Variants in TFB1M observed in about 807,000 individuals in gnomAD.
TFB1M encodes dimethyladenosine transferase 1, mitochondrial.
TFB1M carries 27 observed loss-of-function variants against 31.1 expected under a neutral mutation model. The observed-to-expected ratio is 0.87, with a 90% confidence interval of 0.64 to 1.20. TFB1M has a LOEUF of 1.20. Ranked by LOEUF, TFB1M falls within the 50% of genes most tolerant of loss-of-function variation. The pLI is 0.00. For synonymous variants in TFB1M, 166 were observed against 151.8 expected (o/e 1.09, Z -0.69); for missense variants, 394 against 418.7 (o/e 0.94, Z 0.51).
rs755374471 is a variant in TFB1M at position 155,256,605 on chromosome 6, C to T, written c.*1231G>A. On this transcript the variant is annotated 3_prime_UTR_variant, in exon 7 of 7. Coordinates refer to ENST00000367166, the MANE Select transcript of TFB1M (RefSeq NM_016020.4). The stretch of plus-strand genomic sequence containing the variant: ...GCTTGAGCAGCGGCACCCAGAGCAG[C>T]GGCTGCCCCACGGCTGAGGGCAGGC... The T allele has an allele frequency of 8.7e-6, 14 of 1,614,172 alleles. No individual in the cohort carries two copies. Among genetic ancestry groups the T allele is most frequent in the African/African-American group, 2.7e-5 (2 of 75,028 alleles).
At chr6:155,276,559 A>G in intron 5 of TFB1M, 1 of 547,168 alleles carries the variant, frequency 1.8e-6, no homozygotes, top group Admixed American at 3.6e-5. Flanking sequence ...CATCTGTCTG[A>G]AGAGTTCTTT....
At chr6:155,249,736 T>A in the TFB1M span, 1 of 752,114 alleles carries the variant, frequency 1.3e-6, no homozygotes, top group Non-Finnish European at 2.1e-6. Flanking sequence ...ATGCTCCTGC[T>A]AGTGGGTACT....
At chr6:155,313,598 T>A (rs1778112348) in intron 1 of TFB1M, among the ~76,000 whole-genome samples, 1 of 152,200 alleles carries the variant, frequency 6.6e-6, no homozygotes, top group Non-Finnish European at 1.5e-5. Flanking sequence ...TCAAAACTCA[T>A]CAAATTGAGC....
At chr6:155,243,316 G>C in the TFB1M span, among the ~76,000 whole-genome samples, 1 of 152,164 alleles carries the variant, frequency 6.6e-6, no homozygotes, top group South Asian at 2.1e-4. Context: ...CCCTGAGGCA[G>C]AAGAGGCCAG....
At chr6:155,269,074 G>T (rs1191643814) in intron 5 of TFB1M, among the ~76,000 whole-genome samples, 1 of 150,536 alleles carries the variant, frequency 6.6e-6, no homozygotes, top group Non-Finnish European at 1.5e-5. Context: ...GCAGGACTGA[G>T]AAGTAAATGC....
intron 2 of TFB1M, chr6:155,310,881 C>A: frequency 3.2e-6 from 1 of 316,930 alleles, no homozygotes; most frequent in Non-Finnish European, 5.9e-6. Flanking sequence ...GAATGGGCCA[C>A]GACATGCATA....
chr6:155,287,900 T>C (rs138963435), intron 4 of TFB1M, among the ~76,000 whole-genome samples: 1,672 of 152,218 alleles, frequency 0.011, 17 homozygotes, highest in Non-Finnish European at 0.017. Flanking sequence ...CAAACACCAA[T>C]GATTACTGGA....
the TFB1M span, among the ~76,000 whole-genome samples, chr6:155,235,499 G>C: frequency 3.3e-5 from 5 of 152,228 alleles, no homozygotes; most frequent in African/African-American, 1.2e-4. Flanking sequence ...GGTTCACCCA[G>C]AATGTCCCTC....
rs1784333047 is a variant in TFB1M at position 155,260,296 on chromosome 6, C to T, written c.771G>A (p.Arg257=). ...KVVQNVFQFR[R]KYCHRGLRML... is the part of the protein sequence containing the mutation. ...ACCTGAGCCCTCGATGGCAGTATTT[C>T]CTTCGGAACTGAAATACATTCTGAA... Residue 257 remains arginine, a synonymous_variant, in exon 6 of 7, where the codon AGG becomes AGA. Coordinates refer to ENST00000367166, the MANE Select transcript of TFB1M (RefSeq NM_016020.4). The T allele has an allele frequency of 6.2e-7, 1 of 1,614,226 alleles. No individual in the cohort carries two copies.
At chr6:155,260,628 A>T in intron 5 of TFB1M, 1 of 596,290 alleles carries the variant, frequency 1.7e-6, no homozygotes. Context: ...AATGACATCC[A>T]CCAGACCTGT....
intron 5 of TFB1M, among the ~76,000 whole-genome samples, chr6:155,261,698 G>A (rs990123432): frequency 5.3e-5 from 8 of 152,124 alleles, no homozygotes; most frequent in Non-Finnish European, 1.2e-4. Context: ...CAATCAATGA[G>A]CCTGTCCCCG....
chr6:155,258,431 A>AGTT (rs1242698478), intron 6 of TFB1M, among the ~76,000 whole-genome samples: 26 of 152,214 alleles, frequency 1.7e-4, no homozygotes, highest in African/African-American at 6.0e-4. Context: ...TCAATGTGAA[A>AGTT]GTTGTATTAT....
At chr6:155,290,664 C>T (rs749909280) in intron 4 of TFB1M, among the ~76,000 whole-genome samples, 1 of 152,160 alleles carries the variant, frequency 6.6e-6, no homozygotes, top group East Asian at 1.9e-4. Flanking sequence ...GCTGAGTCAC[C>T]GAAAATATTA....
At chr6:155,232,308 T>A in the TFB1M span, among the ~76,000 whole-genome samples, 2 of 152,170 alleles carry the variant, frequency 1.3e-5, no homozygotes, top group Non-Finnish European at 2.9e-5. Context: ...CTTTTCTGAC[T>A]TAATGAATTT....
At chr6:155,275,608 T>G (rs1785152688) in intron 5 of TFB1M, 1 of 1,152,518 alleles carries the variant, frequency 8.7e-7, no homozygotes. Flanking sequence ...TTTGCCTTTT[T>G]TCCTTAGGCT....
chr6:155,314,211 C>T (rs1264110866), intron 1 of TFB1M, 85 bp downstream of exon 1: 1 of 1,576,612 alleles, frequency 6.3e-7, no homozygotes, highest in East Asian at 2.4e-5. Context: ...CCTGGACACC[C>T]GCCCGCGGGG....
At chr6:155,267,124 G>A (rs1224461742) in intron 5 of TFB1M, among the ~76,000 whole-genome samples, 1 of 151,866 alleles carries the variant, frequency 6.6e-6, no homozygotes, top group Non-Finnish European at 1.5e-5. Flanking sequence ...ACAGGTGGGT[G>A]GCACCACACC....
At chr6:155,253,922 C>G, downstream of TFB1M, 1 of 1,456,064 alleles carries the variant, frequency 6.9e-7, no homozygotes, top group Non-Finnish European at 9.5e-7. Context: ...TTCTTAACCA[C>G]AGCATTTTGG....
rs1784179274 is a variant in TFB1M at position 155,257,912 on chromosome 6, A to AAAT, written c.962_964dup (p.Asn321_Phe322insTyr). On this transcript the variant is annotated inframe_insertion, in exon 7 of 7. Coordinates refer to ENST00000367166, the MANE Select transcript of TFB1M (RefSeq NM_016020.4). ...TTTTCTTCGCTTGAGTTCTTCTCTG[A>AAAT]AATTATATGCAAAGAGTTGTGGGTC... The AAAT allele has an allele frequency of 1.9e-6, 3 of 1,614,002 alleles. No individual in the cohort carries two copies. The highest frequency in any genetic ancestry group is 1.7e-5 in the Admixed American group (1 of 59,992).
Sources: gnomAD v4.1 joint callset for allele counts (sites outside exome capture counted in the v4.1 genomes callset) on GRCh38, gnomAD v4.1.1 for gene constraint, MANE v1.5 for transcripts, NCBI Gene and HGNC (gene_info 2026-07-23, HGNC 2026-07-21) for gene names.